GSAP: variants seen among roughly 807,000 people sequenced by gnomAD.
GSAP encodes the protein gamma-secretase-activating protein.
GSAP carries 118 observed loss-of-function variants against 131.7 expected under a neutral mutation model. The observed-to-expected ratio is 0.90, with a 90% CI of 0.77 to 1.04. The LOEUF is 1.04. GSAP is among the 50% of genes least tolerant of loss of function. GSAP has a pLI of 0.00. For missense variants in GSAP, 1,019 were observed against 1,013.2 expected, an observed-to-expected ratio of 1.01 and a Z score of -0.08; for synonymous variants, 381 against 363.4, an observed-to-expected ratio of 1.05 and a Z score of -0.55.
At chr7:77,393,996 G>C (rs1441693589) in intron 5 of GSAP, among the ~76,000 whole-genome samples, 1 of 152,076 alleles carries the variant, frequency 6.6e-6, no homozygotes, top group African/African-American at 2.4e-5. Flanking sequence ...TTGACAAGTC[G>C]ATCTTTTGAA....
At chr7:77,375,196 A>C in intron 10 of GSAP, 95 bp from the exon 11 acceptor site, 1 of 670,198 alleles carries the variant, frequency 1.5e-6, no homozygotes, top group Non-Finnish European at 2.7e-6. Flanking sequence ...GAAAAATATT[A>C]TGTTTGCCTA....
At chr7:77,364,507 C>G (rs1794988380) in intron 12 of GSAP, among the ~76,000 whole-genome samples, 1 of 122,370 alleles carries the variant, frequency 8.2e-6, no homozygotes, top group African/African-American at 3.3e-5. Context: ...GAACATCACA[C>G]TCTGGGGACT....
intron 6 of GSAP, among the ~76,000 whole-genome samples, chr7:77,384,213 G>T (rs953719041): frequency 6.6e-6 from 1 of 152,180 alleles, no homozygotes; most frequent in African/African-American, 2.4e-5. Flanking sequence ...ATGGCCTCCC[G>T]GTCTACAGAG....
chr7:77,395,145 ACAGT>A (rs535570991), intron 5 of GSAP, among the ~76,000 whole-genome samples: 121 of 151,406 alleles, frequency 8.0e-4, no homozygotes, highest in Non-Finnish European at 1.5e-3. Flanking sequence ...GTTCTGTGTG[ACAGT>A]CAGGCATAGA....
At chr7:77,364,260 C>T (rs1181898) in intron 12 of GSAP, among the ~76,000 whole-genome samples, 63,874 of 151,768 alleles carry the variant, frequency 0.42, 15,121 homozygotes, top group Middle Eastern at 0.53. Flanking sequence ...CCTGTTCACC[C>T]AGTAATTCTT....
intron 13 of GSAP, among the ~76,000 whole-genome samples, chr7:77,361,587 A>G (rs1460605901): frequency 2.6e-5 from 4 of 152,182 alleles, no homozygotes; most frequent in Non-Finnish European, 5.9e-5. Flanking sequence ...TATCAGGTCC[A>G]TCTATAGAAT....
At chr7:77,322,501 C>A (rs1787788490) in intron 24 of GSAP, among the ~76,000 whole-genome samples, 3 of 151,116 alleles carry the variant, frequency 2.0e-5, no homozygotes, top group Admixed American at 2.0e-4. Context: ...GGAAACCCTT[C>A]TTAGCACTTT....
At chr7:77,348,768 G>A (rs181733660) in intron 19 of GSAP, among the ~76,000 whole-genome samples, 77 of 152,304 alleles carry the variant, frequency 5.1e-4, no homozygotes, top group Admixed American at 1.3e-3. Context: ...GAAGCCACCA[G>A]GTTGCAGAAA....
chr7:77,401,325 A>G (rs529034512), intron 3 of GSAP, among the ~76,000 whole-genome samples: 33 of 152,288 alleles, frequency 2.2e-4, no homozygotes, highest in Non-Finnish European at 4.4e-4. Flanking sequence ...CTAAGGAGAA[A>G]GAAAAAAATT....
At chr7:77,317,230 T>C (rs1795062170) in intron 26 of GSAP, among the ~76,000 whole-genome samples, 1 of 152,116 alleles carries the variant, frequency 6.6e-6, no homozygotes, top group African/African-American at 2.4e-5. Flanking sequence ...TGCAGGGACA[T>C]GGATGAAGCT....
At chr7:77,399,630 A>C (rs1016020176) in intron 3 of GSAP, among the ~76,000 whole-genome samples, 2 of 150,938 alleles carry the variant, frequency 1.3e-5, no homozygotes, top group Non-Finnish European at 3.0e-5. Flanking sequence ...ACTTATGCTA[A>C]TGGGAAGCAT....
intron 14 of GSAP, among the ~76,000 whole-genome samples, chr7:77,360,326 G>T (rs987748261): frequency 6.6e-6 from 1 of 152,048 alleles, no homozygotes; most frequent in East Asian, 1.9e-4. Flanking sequence ...ATTATACTCA[G>T]GTTCCCTTCG....
intron 14 of GSAP, 140 bp from the exon 15 acceptor site, chr7:77,355,787 GTTTTTTTTTT>G (rs11353263): frequency 3.4e-6 from 1 of 291,652 alleles, no homozygotes; most frequent in Admixed American, 5.6e-5. Context: ...ATGACAGCCC[GTTTTTTTTTT>G]TTTTTTTTTA....
upstream of GSAP, chr7:77,416,515 T>TGAGCCG (rs556655224): frequency 5.4e-4 from 219 of 406,618 alleles, no homozygotes; most frequent in African/African-American, 2.4e-3. Context: ...GGCCCGCACC[T>TGAGCCG]GAGCCGGAGC....
intron 27 of GSAP, 137 bp downstream of exon 27, chr7:77,314,231 AAT>A: frequency 1.3e-6 from 1 of 764,274 alleles, no homozygotes; most frequent in Admixed American, 2.5e-5. Context: ...TTCAAGATGT[AAT>A]GCAGCATTAA....
chr7:77,403,647 A>T (rs74946997), intron 3 of GSAP, among the ~76,000 whole-genome samples: 3 of 152,158 alleles, frequency 2.0e-5, no homozygotes, highest in East Asian at 1.9e-4. Flanking sequence ...GTTAAGCAGA[A>T]GCAGAAAGAG....
chr7:77,405,775 G>A (rs911292667), intron 2 of GSAP, among the ~76,000 whole-genome samples: 2 of 152,300 alleles, frequency 1.3e-5, no homozygotes, highest in African/African-American at 4.8e-5. Context: ...ATGACCTCAA[G>A]TGATCTGCCC....
chr7:77,397,067 A>G, intron 4 of GSAP, 32 bp from the exon 5 acceptor site: 1 of 1,385,356 alleles, frequency 7.2e-7, no homozygotes, highest in Non-Finnish European at 1.0e-6. Context: ...TCCATTAGCA[A>G]TTGATCCATA....
chr7:77,365,208 C>A (rs1023673805), intron 12 of GSAP, among the ~76,000 whole-genome samples: 2 of 152,104 alleles, frequency 1.3e-5, no homozygotes, highest in African/African-American at 4.8e-5. Flanking sequence ...TTTGGCCTCC[C>A]AAAGAGCTGG....
Sources: allele counts gnomAD v4.1 joint callset (sites outside exome capture counted in the v4.1 genomes callset), GRCh38; gene constraint gnomAD v4.1.1; transcripts MANE v1.5; gene names NCBI Gene and HGNC (gene_info 2026-07-23, HGNC 2026-07-21).